Variants in CEACAM7 observed in about 807,000 individuals in gnomAD.
CEACAM7 encodes the protein CEA cell adhesion molecule 7.
Under a neutral mutation model 25.7 loss-of-function variants are expected in CEACAM7, and 24 were observed. The ratio of observed to expected loss-of-function variants is 0.93; its 90% CI spans 0.68 to 1.31. CEACAM7 has a LOEUF of 1.31. CEACAM7 is among the 40% of genes most tolerant of loss of function. The pLI is 0.00. For missense variants in CEACAM7, 324 were observed against 330.1 expected (o/e 0.98, Z 0.14); for synonymous variants, 144 against 129.4 (o/e 1.11, Z -0.77).
At chr19:41,680,793 C>A (rs1160667073) in intron 3 of CEACAM7, among the ~76,000 whole-genome samples, 1 of 152,062 alleles carries the variant, frequency 6.6e-6, no homozygotes, top group Non-Finnish European at 1.5e-5. Flanking sequence ...AGACCTAAAT[C>A]TAAGAGATAA....
intron 2 of CEACAM7, among the ~76,000 whole-genome samples, chr19:41,686,271 C>T (rs2072224426): frequency 6.6e-6 from 1 of 152,172 alleles, no homozygotes. Context: ...TTCATCTGTC[C>T]TCTCCAGGCT....
chr19:41,686,798 C>T, intron 2 of CEACAM7, 61 bp downstream of exon 2: 13 of 1,498,582 alleles, frequency 8.7e-6, no homozygotes, highest in Non-Finnish European at 9.8e-6. Flanking sequence ...GGCCTGACAA[C>T]CCCGTGTGTA....
intron 3 of CEACAM7, among the ~76,000 whole-genome samples, chr19:41,681,378 A>G (rs2072174274): frequency 6.6e-6 from 1 of 152,210 alleles, no homozygotes; most frequent in Non-Finnish European, 1.5e-5. Flanking sequence ...CCGTTTCTCA[A>G]AAAAATTAAG....
At chr19:41,675,188 C>G (rs926746837) in intron 4 of CEACAM7, among the ~76,000 whole-genome samples, 1 of 152,186 alleles carries the variant, frequency 6.6e-6, no homozygotes, top group Non-Finnish European at 1.5e-5. Flanking sequence ...ATAAACAGAA[C>G]AGATTCTTAT....
chr19:41,673,909 G>A lies in CEACAM7; in HGVS notation c.*867C>T, dbSNP rs868953189. On this transcript the variant is annotated 3_prime_UTR_variant, in exon 5 of 5. Coordinates refer to ENST00000401731, the MANE Select transcript of CEACAM7 (RefSeq NM_001291485.2). Reference sequence around the variant, plus strand: ...TAACTAATATTGTGACAATCAGGAGGATCACACCAAGAGTTTGAAGTATGA... The same window carrying A: ...TAACTAATATTGTGACAATCAGGAGAATCACACCAAGAGTTTGAAGTATGA... The A allele has an allele frequency of 1.3e-5, 2 of 152,156 alleles. No individual in the cohort carries two copies. The highest frequency in any genetic ancestry group is 4.8e-5 in the African/African-American group (2 of 41,436). The allele number at this position is 152,156 out of a possible 1,614,324, so 9.4% of individuals were successfully genotyped here. A position where few individuals can be genotyped will look rare whatever the true frequency, so the allele number is the denominator to read the frequency against.
intron 2 of CEACAM7, 79 bp from the exon 3 acceptor site, chr19:41,684,142 C>G: frequency 6.7e-7 from 1 of 1,489,706 alleles, no homozygotes; most frequent in Non-Finnish European, 9.2e-7. Context: ...TCAGAGTTGG[C>G]ATCTCCCACC....
At chr19:41,684,847 G>A (rs1203737373) in intron 2 of CEACAM7, among the ~76,000 whole-genome samples, 2 of 152,212 alleles carry the variant, frequency 1.3e-5, no homozygotes, top group Non-Finnish European at 2.9e-5. Context: ...GCAAAATGGA[G>A]GAAATCCCAA....
chr19:41,682,885 T>C (rs782460175), intron 3 of CEACAM7, among the ~76,000 whole-genome samples: 3 of 152,226 alleles, frequency 2.0e-5, no homozygotes, highest in Non-Finnish European at 4.4e-5. Context: ...TGAAGCTCTT[T>C]CCACTACCTG....
chr19:41,683,746 G>A (rs2072198050), intron 3 of CEACAM7, 39 bp downstream of exon 3: 1 of 1,609,350 alleles, frequency 6.2e-7, no homozygotes, highest in Admixed American at 1.7e-5. Flanking sequence ...ATGGATTTGG[G>A]CTGTCAGCCT....
At chr19:41,684,941 C>A (rs2072212264) in intron 2 of CEACAM7, among the ~76,000 whole-genome samples, 1 of 152,182 alleles carries the variant, frequency 6.6e-6, no homozygotes. Flanking sequence ...CTAAACTAGG[C>A]AGAGTCTAAG....
rs186578473 is a variant in CEACAM7 at position 41,674,560 on chromosome 19, G to A, written c.*216C>T. On this transcript the variant is annotated 3_prime_UTR_variant, in exon 5 of 5. Transcript: ENST00000401731. ...GGCAATTTGAGTGTCTCTAGTTATG[G>A]TGTTGAACATTTTGGTTAGCTCTGA... is the stretch of plus-strand genomic sequence containing the variant. 42 of 251,054 alleles carry A rather than the reference G, an allele frequency of 1.7e-4. No homozygotes were observed. In the Admixed American group the frequency reaches 1.7e-3, roughly 10 times the overall value. The allele number at this position is 251,054 out of a possible 1,614,324, so 15.6% of individuals were successfully genotyped here.
chr19:41,683,842 C>G lies in CEACAM7; in HGVS notation c.649G>C (p.Glu217Gln). Residue 217 changes from glutamate (E) to glutamine (Q), a missense_variant, in exon 3 of 5, where the codon GAA (glutamate) becomes CAA (glutamine). Physicochemically the swap from Glu to Gln is conservative, Grantham distance 29. Transcript: ENST00000401731. The part of the protein sequence containing the change: ...TKNDIGPYEC[E>Q]IQNPVGASRS... ...CTGGCACCCACTGGGTTCTGTATTT[C>G]ACATTCATAGGGTCCTATGTCATTC... The G allele has an allele frequency of 6.2e-7, 1 of 1,614,192 alleles. No individual in the cohort carries two copies. The highest frequency in any genetic ancestry group is 8.5e-7 in the Non-Finnish European group (1 of 1,180,028).
In CEACAM7 at chr19:41,683,859, A is replaced by G. The variant is rs376404757; in HGVS notation, c.632T>C (p.Ile211Thr). Residue 211 changes from isoleucine to threonine, a missense_variant, in exon 3 of 5, where the codon ATA (isoleucine) becomes ACA (threonine). By Grantham distance (89) the Ile-to-Thr change is moderately conservative. Coordinates refer to ENST00000401731, the MANE Select transcript of CEACAM7 (RefSeq NM_001291485.2). ...LVLLSATKND[I>T]GPYECEIQNP... ...CTGTATTTCACATTCATAGGGTCCT[A>G]TGTCATTCTTTGTGGCGCTGAGTAG... The G allele has an allele frequency of 1.7e-5, 28 of 1,614,116 alleles. No individual in the cohort carries two copies. The South Asian group carries it at 2.6e-4, about 15-fold the overall frequency.
chr19:41,683,043 T>G (rs782488783), intron 3 of CEACAM7, among the ~76,000 whole-genome samples: 1 of 152,152 alleles, frequency 6.6e-6, no homozygotes, highest in Non-Finnish European at 1.5e-5. Context: ...CTTGTGCCCA[T>G]GGGACACAGG....
At chr19:41,676,508 G>C (rs1417286215) in intron 4 of CEACAM7, among the ~76,000 whole-genome samples, 2 of 152,132 alleles carry the variant, frequency 1.3e-5, no homozygotes, top group African/African-American at 4.8e-5. Flanking sequence ...TGACAGTTGT[G>C]AGCCAATGCA....
intron 3 of CEACAM7, among the ~76,000 whole-genome samples, chr19:41,680,585 G>A (rs1309906951): frequency 6.6e-6 from 1 of 152,148 alleles, no homozygotes; most frequent in Non-Finnish European, 1.5e-5. Flanking sequence ...ATAGAATGGA[G>A]AGCCCAGAAA....
intron 2 of CEACAM7, 135 bp from the exon 3 acceptor site, chr19:41,684,198 T>TCTGTCTTGTGATACACA: frequency 1.1e-6 from 1 of 894,240 alleles, no homozygotes; most frequent in Non-Finnish European, 1.7e-6. Context: ...GGTGTGTGTA[T>TCTGTCTTGTGATACACA]CACAAGACAG....
At position 41,687,153 on chromosome 19, in the gene CEACAM7, C is replaced by G; in HGVS notation, c.133G>C (p.Val45Leu). The change falls in exon 2 of 5, where the codon GTC becomes CTC. Residue 45 changes from valine (V) to leucine (L), a missense_variant. Coordinates refer to ENST00000401731, the MANE Select transcript of CEACAM7 (RefSeq NM_001291485.2). ...AGAAGGACCTCCTTCCCTTCTGCGA[C>G]ATTGAACGGCACGACATCAATATTG... The part of the protein sequence containing the change: ...QTNIDVVPFN[V>L]AEGKEVLLVV... 6.2e-7 allele frequency: 1 copy of G among 1,614,008 alleles called. No individual in the cohort carries two copies. The highest frequency in any genetic ancestry group is 1.1e-5 in the South Asian group (1 of 91,052).
Position 41,677,434 on chromosome 19 carries a change from A to G in CEACAM7, c.776T>C (p.Leu259Pro), listed in dbSNP as rs782714474. 3 of 1,613,962 alleles carry G rather than the reference A, an allele frequency of 1.9e-6. No homozygotes were observed. The East Asian group carries it at 6.7e-5, about 36-fold the overall frequency. ...CTGCTATATCAGAGCCATCCCAGCC[A>G]GTACTCCAATCATGATGCTGACAGC... ...GTAVSIMIGVLAGMALI is the reference protein window; with the variant it reads ...GTAVSIMIGVPAGMALI Residue 259 changes from leucine to proline, a missense_variant, in exon 4 of 5, where the codon CTG (leucine) becomes CCG (proline). Leu to Pro is a moderately conservative substitution (Grantham distance 98). Transcript: ENST00000401731.
Sources: allele counts gnomAD v4.1 joint callset (sites outside exome capture counted in the v4.1 genomes callset), GRCh38; gene constraint gnomAD v4.1.1; transcripts MANE v1.5; gene names NCBI Gene and HGNC (gene_info 2026-07-23, HGNC 2026-07-21).